Variants in ATRN observed in about 807,000 individuals in gnomAD.
The protein encoded by ATRN is attractin-2.
A neutral mutation model predicts 178.7 loss-of-function variants in ATRN; 54 were observed. The ratio of observed to expected loss-of-function variants is 0.30; its 90% CI spans 0.24 to 0.38. ATRN has a LOEUF of 0.38. Ranked by LOEUF, ATRN falls within the 10% of genes least tolerant of loss-of-function variation. The pLI is 1.00. For missense variants in ATRN, 1,443 were observed against 1,815.1 expected (o/e 0.79, Z 3.73); for synonymous variants, 636 against 663.0 (o/e 0.96, Z 0.63).
chr20:3,471,324 C>A lies in ATRN; in HGVS notation c.217C>A (p.Leu73Met). Residue 73 changes from leucine to methionine, a missense_variant, in exon 1 of 29, where the codon CTG becomes ATG. Leu to Met is a conservative substitution (Grantham distance 15). Transcript: ENST00000262919. ...GCTGTTGTTGCTCTCGCCGCCGCTG[C>A]TGCTGCTGCTGCTGCCCTGTGAGGC... ...LLLLLLSPPL[L>M]LLLLPCEAEA... The A allele has an allele frequency of 6.7e-7, 1 of 1,483,860 alleles. No individual in the cohort carries two copies. The highest frequency in any genetic ancestry group is 1.3e-5 in the South Asian group (1 of 77,830). The allele number at this position is 1,483,860 out of a possible 1,614,324, so 91.9% of individuals were successfully genotyped here. A position where few individuals can be genotyped will look rare whatever the true frequency, so the allele number is the denominator to read the frequency against.
At chr20:3,513,796 A>C (rs1044266425) in intron 1 of ATRN, among the ~76,000 whole-genome samples, 1 of 152,154 alleles carries the variant, frequency 6.6e-6, no homozygotes, top group East Asian at 1.9e-4. Context: ...TTCTCCTTGA[A>C]GAGGTCCTTC....
chr20:3,559,623 A>G, intron 7 of ATRN, 140 bp downstream of exon 7: 1 of 634,798 alleles, frequency 1.6e-6, no homozygotes, highest in Middle Eastern at 4.3e-4. Context: ...TAATTGGCTA[A>G]GTTATAAGTA....
intron 6 of ATRN, among the ~76,000 whole-genome samples, chr20:3,554,467 C>CT (rs1262056979): frequency 6.6e-6 from 1 of 151,948 alleles, no homozygotes; most frequent in Non-Finnish European, 1.5e-5. Flanking sequence ...TCCCGAGTAG[C>CT]TGGGACTACA....
intron 1 of ATRN, among the ~76,000 whole-genome samples, chr20:3,499,768 G>A (rs980825666): frequency 1.3e-5 from 2 of 150,858 alleles, no homozygotes; most frequent in African/African-American, 4.9e-5. Context: ...CAGGACGTAG[G>A]CATGGGCAAG....
intron 6 of ATRN, among the ~76,000 whole-genome samples, chr20:3,551,450 C>T (rs118096293): frequency 0.024 from 3,588 of 152,286 alleles, 56 homozygotes; most frequent in Middle Eastern, 0.041. Flanking sequence ...TCCTCTCCTT[C>T]CTACTACCTT....
chr20:3,629,848 G>A (rs1324506473), intron 25 of ATRN, among the ~76,000 whole-genome samples: 2 of 152,192 alleles, frequency 1.3e-5, no homozygotes, highest in Non-Finnish European at 2.9e-5. Flanking sequence ...GGGTGGGTGA[G>A]CACAGCTCTT....
intron 19 of ATRN, 41 bp downstream of exon 19, chr20:3,591,347 T>G: frequency 1.3e-6 from 2 of 1,598,236 alleles, no homozygotes; most frequent in Non-Finnish European, 1.7e-6. Context: ...CAAATCGGTG[T>G]GGAACACAGC....
rs776267445 is a variant in ATRN at position 3,584,106 on chromosome 20, G to A, written c.2950+23G>A. 2.5e-6 allele frequency: 4 copies of A among 1,610,266 alleles called. No homozygotes were observed. In the East Asian group the frequency reaches 6.7e-5, roughly 27 times the overall value. The stretch of plus-strand genomic sequence containing the variant: ...CCCGTAAGTGAAAAAGGGAGCCCTA[G>A]GCACTTATGCATGCCCTCTGTATAG... On this transcript the variant is annotated intron_variant, in intron 17 of 28. Transcript: ENST00000262919.
At chr20:3,563,136 C>G in intron 9 of ATRN, 73 bp from the exon 10 acceptor site, 2 of 1,343,542 alleles carry the variant, frequency 1.5e-6, no homozygotes. Context: ...AGTGGTTGTG[C>G]TTGCATTAGC....
intron 1 of ATRN, among the ~76,000 whole-genome samples, chr20:3,495,331 G>A (rs922942963): frequency 6.6e-6 from 1 of 152,128 alleles, no homozygotes; most frequent in Non-Finnish European, 1.5e-5. Flanking sequence ...AATCATTTGT[G>A]GAGCTTTTAA....
At chr20:3,518,352 A>G (rs2085235029) in intron 1 of ATRN, among the ~76,000 whole-genome samples, 1 of 152,228 alleles carries the variant, frequency 6.6e-6, no homozygotes. Context: ...CATAAGGGAC[A>G]AGTCCCGGCC....
At chr20:3,592,758 T>A (rs1417080053) in intron 19 of ATRN, among the ~76,000 whole-genome samples, 1 of 152,142 alleles carries the variant, frequency 6.6e-6, no homozygotes, top group Non-Finnish European at 1.5e-5. Flanking sequence ...TTCAGTTTCC[T>A]CCTAATAATA....
intron 1 of ATRN, among the ~76,000 whole-genome samples, chr20:3,473,212 CA>C (rs1168468020): frequency 1.3e-5 from 2 of 152,110 alleles, no homozygotes; most frequent in African/African-American, 4.8e-5. Context: ...AAAAATCCAA[CA>C]AAAATTTTAT....
chr20:3,552,651 C>T, intron 6 of ATRN, among the ~76,000 whole-genome samples: 1 of 152,166 alleles, frequency 6.6e-6, no homozygotes, highest in Non-Finnish European at 1.5e-5. Flanking sequence ...TGTCAGCTGG[C>T]CTGCATTCTC....
chr20:3,512,107 A>ATATATATATATATATATATATT, intron 1 of ATRN, among the ~76,000 whole-genome samples: 5 of 106,386 alleles, frequency 4.7e-5, no homozygotes, highest in Non-Finnish European at 9.0e-5. Context: ...ATATATATAT[A>ATATATATATATATATATATATT]TTTTTTTTTT....
Position 3,591,208 on chromosome 20 carries a change from G to A in ATRN, c.3224G>A (p.Ser1075Asn). The part of the protein sequence containing the change: ...CNGHSKCINQ[S>N]ICEKCENLTT... ...GGCCACAGTAAATGCATCAATCAGAGCATCTGTGAGAAGTGTGAGAACCTG... is the reference window on the plus strand; with the variant it reads ...GGCCACAGTAAATGCATCAATCAGAACATCTGTGAGAAGTGTGAGAACCTG... Residue 1075 changes from serine (S) to asparagine (N), a missense_variant, in exon 19 of 29, where the codon AGC becomes AAC. Transcript: ENST00000262919. The A allele has an allele frequency of 6.2e-7, 1 of 1,614,148 alleles. No homozygotes were observed. The highest frequency in any genetic ancestry group is 8.5e-7 in the Non-Finnish European group (1 of 1,180,004).
intron 1 of ATRN, among the ~76,000 whole-genome samples, chr20:3,513,160 G>A (rs1347499661): frequency 6.6e-6 from 1 of 152,154 alleles, no homozygotes; most frequent in Non-Finnish European, 1.5e-5. Context: ...TGCTTTCGGT[G>A]TTTTAGTCAT....
chr20:3,558,155 T>C (rs2085903080), intron 6 of ATRN, among the ~76,000 whole-genome samples: 1 of 152,208 alleles, frequency 6.6e-6, no homozygotes, highest in South Asian at 2.1e-4. Flanking sequence ...ACTTTACATA[T>C]ATGTTATACA....
intron 18 of ATRN, among the ~76,000 whole-genome samples, chr20:3,588,570 TCTG>T (rs1444945017): frequency 1.3e-5 from 2 of 152,242 alleles, no homozygotes; most frequent in Non-Finnish European, 2.9e-5. Context: ...ATATTTTTAA[TCTG>T]CTGTTGGATT....
Sources: gnomAD v4.1 joint callset for allele counts (sites outside exome capture counted in the v4.1 genomes callset) on GRCh38, gnomAD v4.1.1 for gene constraint, MANE v1.5 for transcripts, NCBI Gene and HGNC (gene_info 2026-07-23, HGNC 2026-07-21) for gene names.